Variants in ADCY2 observed in about 807,000 individuals in gnomAD.
The protein encoded by ADCY2 is adenylate cyclase 2.
In ADCY2, 31 loss-of-function variants were observed where a neutral mutation model predicts 125.2. The ratio of observed to expected loss-of-function variants is 0.25; its 90% CI spans 0.19 to 0.33. The LOEUF is 0.33. Among genes scored for constraint, ADCY2 ranks in the 10% least tolerant of loss-of-function variants. The pLI, the probability that ADCY2 is intolerant of heterozygous loss-of-function variation, is 1.00. For missense variants in ADCY2, 904 were observed against 1,418.2 expected (o/e 0.64, Z 5.82); for synonymous variants, 512 against 548.4 (o/e 0.93, Z 0.93).
At chr5:7,751,097 C>G (rs1742798841) in intron 15 of ADCY2, among the ~76,000 whole-genome samples, 1 of 152,144 alleles carries the variant, frequency 6.6e-6, no homozygotes, top group African/African-American at 2.4e-5. Flanking sequence ...CTCTCCCATT[C>G]ACGGGCAGTT....
At chr5:7,560,210 GT>G (rs113527224) in intron 3 of ADCY2, among the ~76,000 whole-genome samples, 3 of 152,298 alleles carry the variant, frequency 2.0e-5, no homozygotes, top group African/African-American at 7.2e-5. Flanking sequence ...CCTGCATTTT[GT>G]TTATGATGAG....
intron 12 of ADCY2, 133 bp downstream of exon 12, chr5:7,717,370 C>A: frequency 3.8e-6 from 2 of 529,458 alleles, no homozygotes; most frequent in East Asian, 6.2e-5. Flanking sequence ...CTTCAGTTGT[C>A]CCTCAGAATA....
intron 12 of ADCY2, among the ~76,000 whole-genome samples, chr5:7,723,288 A>T (rs928327547): frequency 6.6e-6 from 1 of 152,200 alleles, no homozygotes; most frequent in Admixed American, 6.5e-5. Flanking sequence ...CTAAATAAAA[A>T]TTTTTAAAAA....
intron 3 of ADCY2, among the ~76,000 whole-genome samples, chr5:7,531,335 C>T (rs1266231991): frequency 6.6e-6 from 1 of 152,086 alleles, no homozygotes; most frequent in African/African-American, 2.4e-5. Context: ...ATGGATCCGA[C>T]CATGCTACAT....
intron 24 of ADCY2, among the ~76,000 whole-genome samples, chr5:7,820,962 G>A (rs998432118): frequency 2.6e-5 from 4 of 152,178 alleles, no homozygotes; most frequent in African/African-American, 9.7e-5. Context: ...ACAGCCCTGA[G>A]CATTCAGTAC....
At chr5:7,793,369 C>T (rs1403994597) in intron 20 of ADCY2, among the ~76,000 whole-genome samples, 6 of 152,218 alleles carry the variant, frequency 3.9e-5, no homozygotes, top group East Asian at 1.9e-4. Flanking sequence ...GAGAATCGCA[C>T]CAACCCAGGA....
At chr5:7,804,046 G>GAGAGAGAGAGAGAA (rs1442989944) in intron 21 of ADCY2, among the ~76,000 whole-genome samples, 1 of 128,086 alleles carries the variant, frequency 7.8e-6, no homozygotes, top group African/African-American at 3.4e-5. Context: ...GGGAAAGAGA[G>GAGAGAGAGAGAGAA]AGAGAGAGAG....
At position 7,757,430 on chromosome 5, in the gene ADCY2, TC is replaced by T; in HGVS notation, c.1957-18del. On this transcript the variant is annotated intron_variant, in intron 15 of 24. Coordinates refer to ENST00000338316, the MANE Select transcript of ADCY2 (RefSeq NM_020546.3). ...CATCAGCTAGCAATGCTTCTCTTTT[TC>T]TTTCTCTCTTCTCCTAGCAATGCAG... The T allele has an allele frequency of 6.2e-7, 1 of 1,609,218 alleles. No individual in the cohort carries two copies. Among genetic ancestry groups the T allele is most frequent in the Non-Finnish European group, 8.5e-7 (1 of 1,177,684 alleles).
rs1432612525 is a variant in ADCY2, at chr5:7,743,721, T to C, written c.1925T>C (p.Ile642Thr). The C allele has an allele frequency of 6.2e-7, 1 of 1,614,040 alleles. No homozygotes were observed. Among genetic ancestry groups the C allele is most frequent in the East Asian group, 2.2e-5 (1 of 44,888 alleles). ...FGAAFLLLAF[I>T]LFVCFAGQLL... ...GCTGCGTTTCTCTTGCTGGCCTTCA[T>C]CCTCTTCGTCTGCTTTGCTGGACAG... The change falls in exon 15 of 25, where the codon ATC becomes ACC. Residue 642 changes from isoleucine to threonine, a missense_variant. By Grantham distance (89) the Ile-to-Thr change is moderately conservative. Coordinates refer to ENST00000338316, the MANE Select transcript of ADCY2 (RefSeq NM_020546.3).
intron 3 of ADCY2, among the ~76,000 whole-genome samples, chr5:7,579,968 G>A (rs890164070): frequency 2.0e-5 from 3 of 152,198 alleles, no homozygotes; most frequent in African/African-American, 4.8e-5. Flanking sequence ...TTGCAGCAAC[G>A]TGGATGCAGG....
chr5:7,629,841 T>C (rs1738258535), intron 4 of ADCY2, among the ~76,000 whole-genome samples: 2 of 152,226 alleles, frequency 1.3e-5, no homozygotes, highest in Admixed American at 1.3e-4. Flanking sequence ...TAATGAGAGC[T>C]GGATTCACAG....
At chr5:7,503,531 A>G (rs1743676235) in intron 2 of ADCY2, among the ~76,000 whole-genome samples, 1 of 152,240 alleles carries the variant, frequency 6.6e-6, no homozygotes, top group Admixed American at 6.5e-5. Context: ...CATAGGGACA[A>G]GAAAGCTGCC....
chr5:7,551,126 TC>T (rs1459354592), intron 3 of ADCY2, among the ~76,000 whole-genome samples: 3 of 151,408 alleles, frequency 2.0e-5, no homozygotes, highest in Non-Finnish European at 2.9e-5. Flanking sequence ...AACCTTCTGA[TC>T]CTTGTGTTCA....
intron 4 of ADCY2, among the ~76,000 whole-genome samples, chr5:7,661,588 G>A (rs1006642066): frequency 3.9e-5 from 6 of 152,284 alleles, no homozygotes; most frequent in Admixed American, 1.3e-4. Flanking sequence ...TTTAATGGTC[G>A]AATAAATGAT....
In ADCY2 at chr5:7,396,834, C is replaced by T. The variant is rs1471450948; in HGVS notation, c.210+328C>T. On this transcript the variant is annotated intron_variant, in intron 1 of 24. Coordinates refer to ENST00000338316, the MANE Select transcript of ADCY2 (RefSeq NM_020546.3). This position sits in a 1 kb window ranked among gnomAD's most constrained non-coding sequence, Gnocchi z 5.7. ...AAACTCTGCGCTTTCCGCCGGGCAC[C>T]GCTGCCCGCAGCGCTGGAATAGGTC... 6.6e-6 allele frequency among the ~76,000 whole-genome samples: 1 copy of T among 152,150 alleles called. No homozygotes were observed. Among genetic ancestry groups the T allele is most frequent in the African/African-American group, 2.4e-5 (1 of 41,444 alleles).
chr5:7,722,578 G>A (rs771152952), intron 12 of ADCY2, among the ~76,000 whole-genome samples: 1 of 152,002 alleles, frequency 6.6e-6, no homozygotes, highest in East Asian at 1.9e-4. Flanking sequence ...TAATAGTTCT[G>A]CAGCTGGTAC....
rs187214325 is a variant in ADCY2, at chr5:7,671,298, G to T, written c.721-19393G>T. On this transcript the variant is annotated intron_variant, in intron 4 of 24. Transcript: ENST00000338316. Reference sequence around the variant, plus strand: ...GTTAAGGTATTTCCCAACTTTTTCAGCTGGTTATTTGGGGCATTTCACTAC... The same window carrying T: ...GTTAAGGTATTTCCCAACTTTTTCATCTGGTTATTTGGGGCATTTCACTAC... Among the ~76,000 whole-genome samples the T allele has an allele frequency of 8.1e-3, 1,240 of 152,268 alleles. 13 individuals carry two copies. The highest frequency in any genetic ancestry group is 0.02 in the Admixed American group (299 of 15,284).
At chr5:7,415,043 ATG>A (rs774466655) in intron 2 of ADCY2, among the ~76,000 whole-genome samples, 16 of 152,270 alleles carry the variant, frequency 1.1e-4, no homozygotes, top group African/African-American at 2.2e-4. Context: ...GTGTATGTAT[ATG>A]TGTGTGTGTA....
chr5:7,826,146 C>A (rs1016885168), intron 24 of ADCY2, among the ~76,000 whole-genome samples: 1 of 152,148 alleles, frequency 6.6e-6, no homozygotes, highest in Non-Finnish European at 1.5e-5. Context: ...TAGGTTACTT[C>A]ACTCAAAGGC....
Sources: gnomAD v4.1 joint callset for allele counts (sites outside exome capture counted in the v4.1 genomes callset) on GRCh38, gnomAD v4.1.1 for gene constraint, Gnocchi (gnomAD v3.1) non-coding constraint, MANE v1.5 for transcripts, NCBI Gene and HGNC (gene_info 2026-07-23, HGNC 2026-07-21) for gene names.